SOAT1: variants seen among roughly 807,000 people sequenced by gnomAD.
SOAT1 encodes sterol O-acyltransferase 1.
SOAT1 carries 55 observed loss-of-function variants against 69.5 expected under a neutral mutation model. The observed-to-expected ratio is 0.79, with a 90% CI of 0.64 to 0.99. The LOEUF (loss-of-function observed/expected upper bound fraction) is 0.99, where lower values mean the gene tolerates loss of function less well. Among genes scored for constraint, SOAT1 ranks in the 50% least tolerant of loss-of-function variants. The pLI is 0.00. For synonymous variants in SOAT1, 231 were observed against 224.7 expected, an observed-to-expected ratio of 1.03 and a Z score of -0.25; for missense variants, 580 against 669.3, an observed-to-expected ratio of 0.87 and a Z score of 1.47.
In SOAT1 at chr1:179,302,769, C is replaced by A; in HGVS notation, c.85C>A (p.Pro29Thr). The A allele has an allele frequency of 1.2e-6, 2 of 1,601,678 alleles. No individual in the cohort carries two copies. Among genetic ancestry groups the A allele is most frequent in the Non-Finnish European group, 1.7e-6 (2 of 1,176,736 alleles). The change falls in exon 2 of 16, where the codon CCT becomes ACT. Residue 29 changes from proline to threonine, a missense_variant. Pro to Thr is a conservative substitution (Grantham distance 38, BLOSUM62 -1). Transcript: ENST00000367619. ...TGAGGAAGATGAAGACCAGAGAAAC[C>A]CTGCAAAGGAGTCCCTAGAGACACC... ...NPEEDEDQRN[P>T]AKESLETPSN... is the part of the protein sequence containing the mutation.
chr1:179,347,232 C>G (rs10913732), intron 11 of SOAT1, among the ~76,000 whole-genome samples: 13,924 of 151,874 alleles, frequency 0.092, 878 homozygotes, highest in East Asian at 0.35. Context: ...GTGGTACATG[C>G]CTGTAGTTCC....
intron 3 of SOAT1, among the ~76,000 whole-genome samples, chr1:179,325,231 G>A (rs902268309): frequency 1.4e-5 from 2 of 145,296 alleles, no homozygotes; most frequent in Admixed American, 7.2e-5. Context: ...CTCACTGCAA[G>A]CTCCACCTCC....
At chr1:179,337,808 T>C (rs750735696) in intron 4 of SOAT1, 29 bp from the exon 5 acceptor site, 10 of 1,539,744 alleles carry the variant, frequency 6.5e-6, no homozygotes, top group Non-Finnish European at 8.0e-6. Flanking sequence ...GAAGTACTTA[T>C]ATCTTGTTTT....
intron 6 of SOAT1, among the ~76,000 whole-genome samples, chr1:179,340,459 G>C (rs1032130424): frequency 6.6e-6 from 1 of 152,186 alleles, no homozygotes; most frequent in South Asian, 2.1e-4. Context: ...CTCCAGCCTG[G>C]ATGCAAAGGA....
chr1:179,295,558 C>T (rs146490307), intron 1 of SOAT1, among the ~76,000 whole-genome samples: 685 of 152,282 alleles, frequency 4.5e-3, no homozygotes, highest in Admixed American at 6.0e-3. Context: ...GAGGAAGGAA[C>T]TTTTGAATGA....
Position 179,323,439 on chromosome 1 carries a change from C to T in SOAT1, c.121C>T (p.Arg41Ter), listed in dbSNP as rs144927520. The T allele has an allele frequency of 6.2e-6, 10 of 1,613,244 alleles. No homozygotes were observed. The Admixed American group carries it at 8.3e-5, about 13-fold the overall frequency. Reference sequence around the variant, plus strand: ...GTCATGTTTTTTTCTTCCCGTAGGTCGAATTGACATAAAACAGTTGATAGC... The same window carrying T: ...GTCATGTTTTTTTCTTCCCGTAGGTTGAATTGACATAAAACAGTTGATAGC... ...KESLETPSNGRIDIKQLIAKK... is the reference protein window; with the variant it reads ...KESLETPSNG The change falls in exon 3 of 16, where the codon CGA becomes TGA. Residue 41 changes from arginine (R) to a stop codon, truncating the protein, a stop_gained and splice_region_variant. Transcript: ENST00000367619. LOFTEE classifies it high-confidence loss of function.
At chr1:179,335,712 G>C in intron 4 of SOAT1, 55 bp downstream of exon 4, 1 of 1,488,740 alleles carries the variant, frequency 6.7e-7, no homozygotes, top group Non-Finnish European at 9.1e-7. Flanking sequence ...TAGTTCAATG[G>C]TGAAAATGGA....
At chr1:179,319,338 C>T (rs12239771) in intron 2 of SOAT1, among the ~76,000 whole-genome samples, 4,470 of 149,282 alleles carry the variant, frequency 0.03, 220 homozygotes, top group African/African-American at 0.1. Flanking sequence ...GGCGCGATCT[C>T]GGCTCACTGC....
chr1:179,326,550 CTTTTTTTTTTTT>C (rs10568516), intron 3 of SOAT1, among the ~76,000 whole-genome samples: 7 of 106,260 alleles, frequency 6.6e-5, no homozygotes, highest in African/African-American at 2.5e-4. Context: ...AATTTCTTTT[CTTTTTTTTTTTT>C]TTTTTTTTTT....
intron 3 of SOAT1, among the ~76,000 whole-genome samples, chr1:179,331,134 C>A (rs900428755): frequency 6.6e-6 from 1 of 152,148 alleles, no homozygotes; most frequent in African/African-American, 2.4e-5. Context: ...CTGATATTTT[C>A]CTTTCTGCCT....
rs112137420 is a variant in SOAT1, at chr1:179,345,115, C to T, written c.1117+39C>T. ...TTGTTAATTTGGTCATGCATAAATT[C>T]ACGAGGTAAATAGAAAGCTATTGCC... On this transcript the variant is annotated intron_variant, in intron 11 of 15. Transcript: ENST00000367619. The T allele has an allele frequency of 2.4e-3, 3,860 of 1,607,072 alleles. 55 individuals carry two copies. In the African/African-American group the frequency reaches 0.038, roughly 16 times the overall value.
At chr1:179,298,397 CT>C (rs1280345046) in intron 1 of SOAT1, among the ~76,000 whole-genome samples, 3 of 152,060 alleles carry the variant, frequency 2.0e-5, no homozygotes, top group Non-Finnish European at 4.4e-5. Flanking sequence ...CCTGTTTTAG[CT>C]TTTGATGTAA....
chr1:179,298,202 G>T (rs1664718268), intron 1 of SOAT1, among the ~76,000 whole-genome samples: 2 of 151,936 alleles, frequency 1.3e-5, no homozygotes. Flanking sequence ...TTCTGCCTCA[G>T]CCTCCTGAGT....
intron 3 of SOAT1, among the ~76,000 whole-genome samples, chr1:179,331,289 A>G (rs1558050013): frequency 1.3e-5 from 2 of 152,236 alleles, no homozygotes; most frequent in Non-Finnish European, 2.9e-5. Flanking sequence ...TTAGCAGTTC[A>G]ATTTAATGAA....
Position 179,347,654 on chromosome 1 carries a change from C to A in SOAT1, c.1172C>A (p.Ala391Asp). 1 of 1,613,318 alleles carries A rather than the reference C, an allele frequency of 6.2e-7. No individual in the cohort carries two copies. Among genetic ancestry groups the A allele is most frequent in the Non-Finnish European group, 8.5e-7 (1 of 1,179,474 alleles). The change falls in exon 12 of 16, where the codon GCC becomes GAC. Residue 391 changes from alanine (A) to aspartate (D), a missense_variant. Transcript: ENST00000367619. ...GCCTTTTTGCACTGCTGGCTCAATG[C>A]CTTTGCTGAGATGTTACGCTTTGGT... ...FFAFLHCWLN[A>D]FAEMLRFGDR... is the part of the protein sequence containing the mutation.
At chr1:179,341,958 CAT>C (rs1666353340) in intron 7 of SOAT1, 154 bp from the exon 8 acceptor site, 1 of 552,642 alleles carries the variant, frequency 1.8e-6, no homozygotes, top group Admixed American at 6.4e-5. Context: ...ATTGTTTTGT[CAT>C]GTAACTATAT....
At chr1:179,303,890 C>G (rs1396883427) in intron 2 of SOAT1, among the ~76,000 whole-genome samples, 1 of 152,142 alleles carries the variant, frequency 6.6e-6, no homozygotes, top group African/African-American at 2.4e-5. Flanking sequence ...CTTGTTTGTT[C>G]CTTCCAGTTC....
At chr1:179,307,918 A>G (rs999509555) in intron 2 of SOAT1, among the ~76,000 whole-genome samples, 4 of 151,928 alleles carry the variant, frequency 2.6e-5, no homozygotes, top group Non-Finnish European at 5.9e-5. Flanking sequence ...CAGCCTCCCA[A>G]GTAGCTGGGA....
At chr1:179,299,402 T>G (rs1664757126) in intron 1 of SOAT1, among the ~76,000 whole-genome samples, 1 of 152,178 alleles carries the variant, frequency 6.6e-6, no homozygotes, top group Non-Finnish European at 1.5e-5. Flanking sequence ...AGGTGCTCAT[T>G]AAATCAGAAC....
Sources: gnomAD v4.1 joint callset for allele counts (sites outside exome capture counted in the v4.1 genomes callset) on GRCh38, gnomAD v4.1.1 for gene constraint, MANE v1.5 for transcripts, NCBI Gene and HGNC (gene_info 2026-07-23, HGNC 2026-07-21) for gene names.